SEMA5A: variants seen among roughly 807,000 people sequenced by gnomAD.
SEMA5A encodes semaphorin 5A.
A neutral mutation model predicts 135.5 loss-of-function variants in SEMA5A; 55 were observed. That is an observed-to-expected ratio of 0.41 (90% confidence interval 0.33 to 0.51). The LOEUF is 0.51. Among genes scored for constraint, SEMA5A ranks in the 20% least tolerant of loss-of-function variants. The probability of loss-of-function intolerance (pLI) is 0.37; values close to 1 mark genes in which losing one functional copy is unlikely to be tolerated. For synonymous variants in SEMA5A, 580 were observed against 546.5 expected (o/e 1.06, Z -0.85); for missense variants, 1,290 against 1,419.9 (o/e 0.91, Z 1.47).
chr5:9,392,449 G>A (rs1398338), intron 2 of SEMA5A, among the ~76,000 whole-genome samples: 1 of 152,132 alleles, frequency 6.6e-6, no homozygotes, highest in East Asian at 1.9e-4. Context: ...GGTATATTCA[G>A]TACCTTCAAA....
At chr5:9,118,876 G>A in intron 15 of SEMA5A, 122 bp downstream of exon 15, 1 of 1,259,904 alleles carries the variant, frequency 7.9e-7, no homozygotes, top group African/African-American at 1.5e-5. Flanking sequence ...GACTGGCTCA[G>A]CGGAAAGGGA....
At chr5:9,222,993 T>C (rs543095107) in intron 8 of SEMA5A, among the ~76,000 whole-genome samples, 7 of 152,356 alleles carry the variant, frequency 4.6e-5, no homozygotes, top group African/African-American at 1.4e-4. Context: ...GGATAGGGAT[T>C]CTTGATTTTT....
At chr5:9,179,744 A>T (rs772657466) in intron 11 of SEMA5A, among the ~76,000 whole-genome samples, 16 of 152,166 alleles carry the variant, frequency 1.1e-4, no homozygotes, top group Non-Finnish European at 5.9e-5. Flanking sequence ...CATACTAAAG[A>T]ACTAATTGTG....
chr5:9,382,561 A>T (rs1056586417), intron 2 of SEMA5A, among the ~76,000 whole-genome samples: 1 of 152,168 alleles, frequency 6.6e-6, no homozygotes, highest in African/African-American at 2.4e-5. Context: ...AAGACATGAT[A>T]ATTGAAATTT....
intron 15 of SEMA5A, among the ~76,000 whole-genome samples, chr5:9,118,388 A>T (rs185873499): frequency 2.6e-5 from 4 of 152,228 alleles, no homozygotes; most frequent in Non-Finnish European, 5.9e-5. Context: ...CCTGAAACCA[A>T]ATGTCTAATT....
intron 5 of SEMA5A, among the ~76,000 whole-genome samples, chr5:9,274,935 A>G (rs1281089615): frequency 6.6e-6 from 1 of 152,136 alleles, no homozygotes; most frequent in East Asian, 1.9e-4. Flanking sequence ...GAGAAGCAAG[A>G]GCAAACACAT....
chr5:9,249,552 A>G (rs1269954425), intron 5 of SEMA5A, among the ~76,000 whole-genome samples: 2 of 152,172 alleles, frequency 1.3e-5, no homozygotes, highest in Non-Finnish European at 2.9e-5. Flanking sequence ...TTCTATTGTT[A>G]ATATGTCTTT....
At chr5:9,063,138 T>A (rs1737278421) in intron 17 of SEMA5A, 33 bp from the exon 18 acceptor site, 1 of 1,576,166 alleles carries the variant, frequency 6.3e-7, no homozygotes, top group Non-Finnish European at 8.6e-7. Context: ...GTGATTCTGT[T>A]ACAAGTTTCA....
At chr5:9,091,707 A>T (rs564180894) in intron 16 of SEMA5A, among the ~76,000 whole-genome samples, 2 of 152,192 alleles carry the variant, frequency 1.3e-5, no homozygotes, top group Non-Finnish European at 2.9e-5. Flanking sequence ...CACATAAACC[A>T]TGAGGGCTCC....
intron 16 of SEMA5A, among the ~76,000 whole-genome samples, chr5:9,097,853 C>T (rs1739407701): frequency 6.6e-6 from 1 of 152,200 alleles, no homozygotes; most frequent in African/African-American, 2.4e-5. Flanking sequence ...AGCCTTGATG[C>T]TACAAGTTGC....
intron 10 of SEMA5A, among the ~76,000 whole-genome samples, chr5:9,194,905 C>A (rs1377466135): frequency 2.6e-5 from 4 of 152,110 alleles, no homozygotes; most frequent in African/African-American, 9.7e-5. Context: ...CAAAGGTATC[C>A]TGATGAACGG....
intron 1 of SEMA5A, among the ~76,000 whole-genome samples, chr5:9,486,336 A>C (rs1008975583): frequency 2.0e-5 from 3 of 152,130 alleles, no homozygotes; most frequent in African/African-American, 7.2e-5. Context: ...TGGAGCTTAA[A>C]ACCTAGATGA....
chr5:9,178,883 G>A (rs1744352247), intron 11 of SEMA5A, among the ~76,000 whole-genome samples: 1 of 152,086 alleles, frequency 6.6e-6, no homozygotes, highest in South Asian at 2.1e-4. Context: ...AATTTTCCAG[G>A]ATAAATATCT....
chr5:9,131,344 C>T (rs1432493296), intron 13 of SEMA5A, among the ~76,000 whole-genome samples: 2 of 152,038 alleles, frequency 1.3e-5, no homozygotes, highest in African/African-American at 2.4e-5. Context: ...CGCAGTGGCT[C>T]ACGCCTGTAA....
intron 8 of SEMA5A, among the ~76,000 whole-genome samples, chr5:9,223,551 C>A (rs985823878): frequency 1.3e-5 from 2 of 152,114 alleles, no homozygotes; most frequent in African/African-American, 4.8e-5. Context: ...AAGGACAAGA[C>A]CCACCCCCCA....
At chr5:9,277,325 G>T (rs1750313616) in intron 5 of SEMA5A, among the ~76,000 whole-genome samples, 1 of 152,204 alleles carries the variant, frequency 6.6e-6, no homozygotes, top group African/African-American at 2.4e-5. Flanking sequence ...ACAGATGCTG[G>T]AGAGGATGTT....
At position 9,493,295 on chromosome 5, in the gene SEMA5A, ATC is replaced by A. The variant is rs202040564; in HGVS notation, c.-175+52287_-175+52288del. ...TGTATGTAGCAGCATCTATCTATCTATCTATATATATAAAACATTATATATAT... is the reference window on the plus strand; with the variant it reads ...TGTATGTAGCAGCATCTATCTATCTATATATATATAAAACATTATATATAT... On this transcript the variant is annotated intron_variant, in intron 1 of 22. Coordinates refer to ENST00000382496, the MANE Select transcript of SEMA5A (RefSeq NM_003966.3). Among the ~76,000 whole-genome samples the A allele has an allele frequency of 1.2e-3, 175 of 150,744 alleles. 1 individual carries two copies. The East Asian group carries it at 0.03, about 26-fold the overall frequency.
intron 13 of SEMA5A, 82 bp downstream of exon 13, chr5:9,136,422 G>A (rs1446926701): frequency 4.3e-5 from 50 of 1,154,928 alleles, no homozygotes; most frequent in Middle Eastern, 1.9e-4. Context: ...TGCAGACAGC[G>A]TGACAGTGTG....
chr5:9,472,938 C>T (rs938650178), intron 1 of SEMA5A, among the ~76,000 whole-genome samples: 3 of 150,070 alleles, frequency 2.0e-5, no homozygotes, highest in African/African-American at 7.3e-5. Flanking sequence ...AAGTGAAATC[C>T]TTTAAAAGCA....
Sources: gnomAD v4.1 joint callset for allele counts (sites outside exome capture counted in the v4.1 genomes callset) on GRCh38, gnomAD v4.1.1 for gene constraint, MANE v1.5 for transcripts, NCBI Gene and HGNC (gene_info 2026-07-23, HGNC 2026-07-21) for gene names.